The following KIZ variants were observed in gnomAD, a reference collection of about 807,000 sequenced individuals.
The protein encoded by KIZ is kizuna centrosomal protein.
Under a neutral mutation model 79.6 loss-of-function variants are expected in KIZ, and 68 were observed. The ratio of observed to expected loss-of-function variants is 0.85; its 90% CI spans 0.70 to 1.05. The LOEUF is 1.05. Among genes scored for constraint, KIZ ranks in the 50% least tolerant of loss-of-function variants. KIZ has a pLI of 0.00. For missense variants in KIZ, 797 were observed against 800.4 expected (o/e 1.00, Z 0.05); for synonymous variants, 280 against 281.8 (o/e 0.99, Z 0.06).
rs866489794 is a variant in KIZ at position 21,162,398 on chromosome 20, T to C, written c.933T>C (p.Val311=). 2.4e-5 allele frequency: 39 copies of C among 1,613,204 alleles called. 3 individuals are homozygous for C. In the Middle Eastern group the frequency reaches 6.3e-3, roughly 259 times the overall value. Residue 311 remains valine (V), a synonymous_variant, in exon 5 of 13, where the codon GTT becomes GTC. Coordinates refer to ENST00000619189, the MANE Select transcript of KIZ (RefSeq NM_018474.6). ...TACTGACACGGGAACATATTGAAGT[T>C]GAGGAAAAAAGAGCCAGCCCGCCAG... is the stretch of plus-strand genomic sequence containing the variant. ...GEILTREHIE[V]EEKRASPPVS... is the part of the protein sequence containing the mutation.
At chr20:21,246,395 A>T in intron 12 of KIZ, 84 bp from the exon 13 acceptor site, 1 of 814,338 alleles carries the variant, frequency 1.2e-6, no homozygotes, top group Non-Finnish European at 2.1e-6. Flanking sequence ...ACTCTGCTTA[A>T]CCAGTCCTTC....
intron 11 of KIZ, among the ~76,000 whole-genome samples, chr20:21,239,008 G>A (rs887406047): frequency 6.6e-6 from 1 of 152,190 alleles, no homozygotes; most frequent in Non-Finnish European, 1.5e-5. Context: ...ACCCACGGCT[G>A]CACATCAGCA....
At position 21,205,511 on chromosome 20, in the gene KIZ, C is replaced by CA. The variant is rs772585942; in HGVS notation, c.1374dup (p.Asp459ArgfsTer18). 4 of 1,534,360 alleles carry CA rather than the reference C, an allele frequency of 2.6e-6. No individual in the cohort carries two copies. Among genetic ancestry groups the CA allele is most frequent in the Admixed American group, 1.8e-5 (1 of 56,104 alleles). Reference sequence around the variant, plus strand: ...TATAGACCTGGACAAACACCAGACTCAGACGTACCGAGGGCACAGGTGGGT... The same window carrying CA: ...TATAGACCTGGACAAACACCAGACTCAAGACGTACCGAGGGCACAGGTGGGT... On this transcript the variant is annotated frameshift_variant, in exon 7 of 13. Transcript: ENST00000619189. LOFTEE classifies it high-confidence loss of function.
chr20:21,148,489 G>C (rs1231878260), intron 4 of KIZ, among the ~76,000 whole-genome samples: 1 of 152,046 alleles, frequency 6.6e-6, no homozygotes, highest in Non-Finnish European at 1.5e-5. Context: ...TACTTAGTCA[G>C]CTTACAAAAA....
chr20:21,151,547 A>AT (rs1425148162), intron 4 of KIZ: 2 of 152,144 alleles, frequency 1.3e-5, no homozygotes, highest in Admixed American at 6.5e-5. Flanking sequence ...AAAAAGATAA[A>AT]TTTTTGTGGG....
intron 6 of KIZ, among the ~76,000 whole-genome samples, chr20:21,203,487 G>A (rs1029629685): frequency 4.6e-5 from 7 of 152,110 alleles, no homozygotes; most frequent in African/African-American, 9.7e-5. Flanking sequence ...TTCAAATGTC[G>A]AAAGGTTGAT....
rs1226739038 is a variant in KIZ, at chr20:21,131,653, A to G, written c.90-444A>G. On this transcript the variant is annotated intron_variant, in intron 1 of 12. Coordinates refer to ENST00000619189, the MANE Select transcript of KIZ (RefSeq NM_018474.6). ...TTTATTATTGTCTGTCCTTCTCCCTAGAATGTCAACTCTTTGAGGGCAGGA... is the reference window on the plus strand; with the variant it reads ...TTTATTATTGTCTGTCCTTCTCCCTGGAATGTCAACTCTTTGAGGGCAGGA... 2.0e-5 allele frequency among the ~76,000 whole-genome samples: 3 copies of G among 152,156 alleles called. No individual in the cohort carries two copies. In the East Asian group the frequency reaches 5.8e-4, roughly 29 times the overall value.
chr20:21,211,677 G>A (rs1272567678), intron 7 of KIZ, among the ~76,000 whole-genome samples: 3 of 152,190 alleles, frequency 2.0e-5, no homozygotes, highest in African/African-American at 7.2e-5. Context: ...CTGTGTTAGT[G>A]TCATCAGTCT....
intron 6 of KIZ, among the ~76,000 whole-genome samples, chr20:21,166,004 T>G (rs2122734530): frequency 6.6e-6 from 1 of 152,238 alleles, no homozygotes; most frequent in East Asian, 1.9e-4. Flanking sequence ...TTTGCTCTTG[T>G]TGCCCAGGCT....
chr20:21,180,424 G>T (rs1288764006), intron 6 of KIZ, among the ~76,000 whole-genome samples: 2 of 152,196 alleles, frequency 1.3e-5, no homozygotes, highest in Admixed American at 1.3e-4. Context: ...AAGTGGTAGG[G>T]GGTGGGGCGA....
rs368781277 is a variant in KIZ at position 21,205,516 on chromosome 20, G to T, written c.1378G>T (p.Val460Leu). 5.2e-6 allele frequency: 8 copies of T among 1,548,182 alleles called. No homozygotes were observed. Among genetic ancestry groups the T allele is most frequent in the Non-Finnish European group, 7.1e-6 (8 of 1,130,454 alleles). ...REPGQTPDSD[V>L]PRAQVGQHVA... ...ACCTGGACAAACACCAGACTCAGAC[G>T]TACCGAGGGCACAGGTGGGTCAGCA... Residue 460 changes from valine to leucine, a missense_variant, in exon 7 of 13, where the codon GTA (valine) becomes TTA (leucine). By Grantham distance (32) the Val-to-Leu change is conservative (BLOSUM62 1). Coordinates refer to ENST00000619189, the MANE Select transcript of KIZ (RefSeq NM_018474.6).
chr20:21,183,334 A>G (rs1028221250), intron 6 of KIZ, among the ~76,000 whole-genome samples: 4 of 152,244 alleles, frequency 2.6e-5, no homozygotes, highest in African/African-American at 9.6e-5. Flanking sequence ...TGAGTATACT[A>G]ATAAAAACCA....
At chr20:21,221,266 A>G (rs2036493122) in intron 9 of KIZ, among the ~76,000 whole-genome samples, 2 of 152,220 alleles carry the variant, frequency 1.3e-5, no homozygotes, top group Non-Finnish European at 1.5e-5. Context: ...TGATGCAGCT[A>G]TGCTAAATGT....
intron 7 of KIZ, among the ~76,000 whole-genome samples, chr20:21,213,126 G>A (rs1300076143): frequency 6.6e-6 from 1 of 152,206 alleles, no homozygotes; most frequent in Non-Finnish European, 1.5e-5. Flanking sequence ...ATGGGTCCAG[G>A]TCAGCCAGTA....
At chr20:21,199,982 C>A (rs1345142064) in intron 6 of KIZ, among the ~76,000 whole-genome samples, 1 of 152,112 alleles carries the variant, frequency 6.6e-6, no homozygotes, top group Non-Finnish European at 1.5e-5. Flanking sequence ...CCACAACCTG[C>A]TAATTTTTTG....
At chr20:21,242,914 G>A (rs532244286) in intron 11 of KIZ, among the ~76,000 whole-genome samples, 43 of 152,230 alleles carry the variant, frequency 2.8e-4, no homozygotes, top group African/African-American at 9.4e-4. Context: ...TGTATGGACC[G>A]CGGCTGGCAA....
intron 6 of KIZ, among the ~76,000 whole-genome samples, chr20:21,187,763 A>G (rs1239647103): frequency 2.6e-5 from 4 of 152,164 alleles, no homozygotes; most frequent in Non-Finnish European, 5.9e-5. Context: ...AACACCAGAT[A>G]CCTTTTCATC....
At chr20:21,216,389 G>GC (rs1314236636) in intron 9 of KIZ, among the ~76,000 whole-genome samples, 2 of 152,146 alleles carry the variant, frequency 1.3e-5, no homozygotes, top group African/African-American at 4.8e-5. Context: ...GCATGCATCT[G>GC]CATATGTGGT....
At chr20:21,240,220 G>A (rs1304719231) in intron 11 of KIZ, among the ~76,000 whole-genome samples, 3 of 152,142 alleles carry the variant, frequency 2.0e-5, no homozygotes, top group African/African-American at 7.2e-5. Flanking sequence ...TGCCTCCAAG[G>A]TTCAAGCGAT....
Sources: gnomAD v4.1 joint callset for allele counts (sites outside exome capture counted in the v4.1 genomes callset) on GRCh38, gnomAD v4.1.1 for gene constraint, MANE v1.5 for transcripts, NCBI Gene and HGNC (gene_info 2026-07-23, HGNC 2026-07-21) for gene names.